AFF1: variants seen among roughly 807,000 people sequenced by gnomAD.
AFF1 encodes the protein ALF transcription elongation factor 1, also known as AF4/FMR2 family member 1.
In AFF1, 48 loss-of-function variants were observed where a neutral mutation model predicts 121.7. The ratio of observed to expected loss-of-function variants is 0.39; its 90% CI spans 0.31 to 0.50. AFF1 has a LOEUF of 0.50. Ranked by LOEUF, AFF1 falls within the 20% of genes least tolerant of loss-of-function variation. AFF1 has a pLI of 0.76. For missense variants in AFF1, 1,523 were observed against 1,511.7 expected, an observed-to-expected ratio of 1.01 and a Z score of -0.12; for synonymous variants, 613 against 563.0, an observed-to-expected ratio of 1.09 and a Z score of -1.26.
chr4:87,025,420 A>G (rs1728426412), intron 2 of AFF1, among the ~76,000 whole-genome samples: 1 of 152,254 alleles, frequency 6.6e-6, no homozygotes, highest in African/African-American at 2.4e-5. Context: ...CAGTGACAGC[A>G]TCTCAGACGT....
chr4:87,041,907 C>G (rs948388022), intron 2 of AFF1, among the ~76,000 whole-genome samples: 1 of 151,304 alleles, frequency 6.6e-6, no homozygotes, highest in Non-Finnish European at 1.5e-5. Context: ...GCTATCTACT[C>G]GGGAGGCTGA....
At chr4:87,115,391 T>G in intron 12 of AFF1, 92 bp downstream of exon 12, 1 of 1,256,946 alleles carries the variant, frequency 8.0e-7, no homozygotes, top group Non-Finnish European at 1.1e-6. Flanking sequence ...TTAGGCCCAG[T>G]TGAGTTGTCT....
intron 1 of AFF1, 30 bp downstream of exon 1, chr4:86,935,270 G>C (rs977500933): frequency 6.6e-6 from 1 of 152,474 alleles, no homozygotes; most frequent in Non-Finnish European, 1.5e-5. Flanking sequence ...ACCCAGGGCT[G>C]GGGGTCGATC....
At chr4:87,053,256 C>G (rs1415279294) in intron 4 of AFF1, among the ~76,000 whole-genome samples, 1 of 152,134 alleles carries the variant, frequency 6.6e-6, no homozygotes, top group Non-Finnish European at 1.5e-5. Flanking sequence ...TCCTTGTGGC[C>G]TCTTGTCACA....
At chr4:87,006,660 T>TG (rs1560533859) in intron 2 of AFF1, among the ~76,000 whole-genome samples, 1 of 152,220 alleles carries the variant, frequency 6.6e-6, no homozygotes, top group South Asian at 2.1e-4. Context: ...CTGCCGCCTC[T>TG]GGGGGCCCCA....
chr4:87,049,105 G>T (rs994577275), intron 4 of AFF1, among the ~76,000 whole-genome samples: 2 of 143,238 alleles, frequency 1.4e-5, no homozygotes, highest in South Asian at 2.4e-4. Flanking sequence ...AGGGGGGGGG[G>T]GGACAACTTA....
chr4:87,055,468 T>C (rs1720024052), intron 4 of AFF1, among the ~76,000 whole-genome samples: 1 of 152,208 alleles, frequency 6.6e-6, no homozygotes, highest in African/African-American at 2.4e-5. Context: ...TTCCTGTTCC[T>C]CCTTGTTTTC....
chr4:87,047,794 C>T, intron 4 of AFF1, 200 bp downstream of exon 4: 2 of 758,970 alleles, frequency 2.6e-6, no homozygotes, highest in East Asian at 2.5e-5. Flanking sequence ...TATTGAAATG[C>T]AGTTTGCAGA....
At chr4:86,935,402 C>T (rs2149434069) in intron 1 of AFF1, 162 bp downstream of exon 1, 1 of 152,300 alleles carries the variant, frequency 6.6e-6, no homozygotes, top group African/African-American at 2.4e-5. Flanking sequence ...GGTGGGAGCC[C>T]TCGGGGAGAA....
intron 2 of AFF1, among the ~76,000 whole-genome samples, chr4:86,964,904 T>G (rs925031910): frequency 2.6e-5 from 4 of 151,322 alleles, no homozygotes; most frequent in Non-Finnish European, 5.9e-5. Flanking sequence ...TAAACATCTT[T>G]TATACCAAAG....
In AFF1 at chr4:87,138,376, C is replaced by T. The variant is rs762153150; in HGVS notation, c.*2675C>T. The stretch of plus-strand genomic sequence containing the variant: ...GAAAGGGCTAGATTATAAAATTAAG[C>T]CTTAGAGTATGGAAAGTTCTTATAA... On this transcript the variant is annotated 3_prime_UTR_variant, in exon 21 of 21. Coordinates refer to ENST00000395146, the MANE Select transcript of AFF1 (RefSeq NM_001166693.3). The T allele has an allele frequency of 6.9e-5, 16 of 231,610 alleles. No homozygotes were observed. Among genetic ancestry groups the T allele is most frequent in the Non-Finnish European group, 1.0e-4 (12 of 117,370 alleles). 14.3% of individuals were successfully genotyped at this position (231,610 alleles called of 1,614,324 possible).
intron 2 of AFF1, among the ~76,000 whole-genome samples, chr4:87,036,543 G>A (rs1423588967): frequency 6.6e-6 from 1 of 152,064 alleles, no homozygotes; most frequent in Non-Finnish European, 1.5e-5. Flanking sequence ...TAGCTCATCT[G>A]TCTCCTCTCC....
chr4:86,944,585 T>C (rs1045131598), intron 1 of AFF1, among the ~76,000 whole-genome samples: 75 of 152,216 alleles, frequency 4.9e-4, no homozygotes, highest in African/African-American at 1.6e-3. Context: ...ACCTCGTGAT[T>C]TGCCCGCCTC....
At chr4:87,050,647 C>T (rs1731171798) in intron 4 of AFF1, among the ~76,000 whole-genome samples, 2 of 152,152 alleles carry the variant, frequency 1.3e-5, no homozygotes, top group South Asian at 2.1e-4. Context: ...ATCAAAAGGT[C>T]GGTTTCCGAC....
At chr4:87,074,603 C>T (rs1722466859) in intron 4 of AFF1, among the ~76,000 whole-genome samples, 1 of 152,096 alleles carries the variant, frequency 6.6e-6, no homozygotes, top group African/African-American at 2.4e-5. Flanking sequence ...TAAACCTATC[C>T]CAGCACACCC....
chr4:87,077,403 T>C (rs1020983174), intron 4 of AFF1, among the ~76,000 whole-genome samples: 2 of 152,216 alleles, frequency 1.3e-5, no homozygotes, highest in Non-Finnish European at 2.9e-5. Context: ...CAGAGTAAGG[T>C]AAGTTACATA....
At chr4:86,988,485 G>A (rs189577006) in intron 2 of AFF1, among the ~76,000 whole-genome samples, 122 of 152,112 alleles carry the variant, frequency 8.0e-4, no homozygotes, top group African/African-American at 2.8e-3. Context: ...AACTTACAAG[G>A]GATGTGAAGG....
chr4:87,062,531 ATG>A (rs1373218903), intron 4 of AFF1, among the ~76,000 whole-genome samples: 1 of 152,070 alleles, frequency 6.6e-6, no homozygotes, highest in Non-Finnish European at 1.5e-5. Flanking sequence ...TGTAAAATAT[ATG>A]TTTTTTTTCC....
intron 4 of AFF1, among the ~76,000 whole-genome samples, chr4:87,075,568 A>G (rs563127079): frequency 6.6e-5 from 10 of 152,248 alleles, no homozygotes; most frequent in African/African-American, 2.2e-4. Flanking sequence ...ATGCTGCCTG[A>G]TATACCTACC....
Sources: allele counts gnomAD v4.1 joint callset (sites outside exome capture counted in the v4.1 genomes callset), GRCh38; gene constraint gnomAD v4.1.1; transcripts MANE v1.5; gene names NCBI Gene and HGNC (gene_info 2026-07-23, HGNC 2026-07-21).